The following COG2 variants were observed in gnomAD, a reference collection of about 807,000 sequenced individuals.
COG2 encodes the protein conserved oligomeric Golgi complex subunit 2.
COG2 carries 52 observed loss-of-function variants against 90.6 expected under a neutral mutation model. That is an observed-to-expected ratio of 0.57 (90% CI 0.46 to 0.72). The LOEUF is 0.72. Ranked by LOEUF, COG2 falls within the 30% of genes least tolerant of loss-of-function variation. The pLI is 0.00. For synonymous variants in COG2, 337 were observed against 320.4 expected, an observed-to-expected ratio of 1.05 and a Z score of -0.55; for missense variants, 829 against 891.2, an observed-to-expected ratio of 0.93 and a Z score of 0.89.
chr1:230,646,623 G>A (rs1184617687), intron 1 of COG2, among the ~76,000 whole-genome samples: 1 of 151,964 alleles, frequency 6.6e-6, no homozygotes, highest in South Asian at 2.1e-4. Flanking sequence ...TGTGCACAGC[G>A]CCTTGACATC....
At chr1:230,646,622 C>T (rs987403275) in intron 1 of COG2, among the ~76,000 whole-genome samples, 1 of 152,136 alleles carries the variant, frequency 6.6e-6, no homozygotes, top group African/African-American at 2.4e-5. Flanking sequence ...ATGTGCACAG[C>T]GCCTTGACAT....
chr1:230,652,525 G>C lies in COG2; in HGVS notation c.73-6939G>C, dbSNP rs576674565. Among the ~76,000 whole-genome samples, 56 of 152,168 alleles carry C rather than the reference G, an allele frequency of 3.7e-4. 1 individual carries two copies. The highest frequency in any genetic ancestry group is 1.3e-4 in the Non-Finnish European group (9 of 68,036). On this transcript the variant is annotated intron_variant, in intron 1 of 17. Transcript: ENST00000366669. ...AGGCTGCTATAAACATTCACGTGCA[G>C]GTTTTTGTATGGACATACATTTTCA... is the stretch of plus-strand genomic sequence containing the variant.
At chr1:230,657,155 C>T (rs1662078046) in intron 1 of COG2, among the ~76,000 whole-genome samples, 1 of 151,968 alleles carries the variant, frequency 6.6e-6, no homozygotes, top group South Asian at 2.1e-4. Flanking sequence ...GCAGTTTCTT[C>T]ATAGTGTCAA....
chr1:230,670,651 C>G (rs1662426205), intron 7 of COG2: 2 of 152,092 alleles, frequency 1.3e-5, no homozygotes, highest in Non-Finnish European at 2.9e-5. Context: ...GGGTCTCACT[C>G]TGTCACGCAG....
At position 230,685,250 on chromosome 1, in the gene COG2, G is replaced by C. The variant is rs1303130661; in HGVS notation, c.1380+14G>C. 6.2e-7 allele frequency: 1 copy of C among 1,613,646 alleles called. No individual in the cohort carries two copies. The highest frequency in any genetic ancestry group is 1.7e-5 in the Admixed American group (1 of 59,942). Reference sequence around the variant, plus strand: ...TTTGTCAATGAGGTAAGGGCTGGCTGTGGAGCTCATCCATAATCAATACTG... The same window carrying C: ...TTTGTCAATGAGGTAAGGGCTGGCTCTGGAGCTCATCCATAATCAATACTG... On this transcript the variant is annotated intron_variant, in intron 12 of 17. Transcript: ENST00000366669.
At chr1:230,668,542 G>GT (rs781099132) in intron 5 of COG2, 134 bp from the exon 6 acceptor site, 64 of 577,352 alleles carry the variant, frequency 1.1e-4, no homozygotes, top group Non-Finnish European at 1.8e-4. Flanking sequence ...TTGTAACAAG[G>GT]TGGCCACATA....
chr1:230,681,169 C>T (rs1174450894), intron 10 of COG2: 1 of 152,142 alleles, frequency 6.6e-6, no homozygotes, highest in Non-Finnish European at 1.5e-5. Flanking sequence ...GACTTAGTAT[C>T]TCATAGGAAG....
intron 3 of COG2, 114 bp downstream of exon 3, chr1:230,660,937 GT>G: frequency 1.7e-6 from 1 of 598,964 alleles, no homozygotes; most frequent in Non-Finnish European, 2.8e-6. Flanking sequence ...TTTTTTGAAT[GT>G]TTAGTAATTA....
Position 230,690,061 on chromosome 1 carries a change from C to T in COG2, c.1842C>T (p.Pro614=), listed in dbSNP as rs746745975. 1 of 1,612,928 alleles carries T rather than the reference C, an allele frequency of 6.2e-7. No individual in the cohort carries two copies. The highest frequency in any genetic ancestry group is 2.2e-5 in the East Asian group (1 of 44,840). ...CCTATGTGGACAGTGCTCTGAAGCCCTTATTCCAGCTTCAGAGCGGACACA... is the reference window on the plus strand; with the variant it reads ...CCTATGTGGACAGTGCTCTGAAGCCTTTATTCCAGCTTCAGAGCGGACACA... The part of the protein sequence containing the change: ...ASSYVDSALK[P]LFQLQSGHKD... The change falls in exon 16 of 18, where the codon CCC becomes CCT. Residue 614 remains proline (P), a synonymous_variant. Transcript: ENST00000366669.
At chr1:230,672,597 A>C (rs1013756841) in intron 8 of COG2, among the ~76,000 whole-genome samples, 1 of 152,026 alleles carries the variant, frequency 6.6e-6, no homozygotes, top group Admixed American at 6.6e-5. Context: ...TTGGGAGGCC[A>C]AGGCAGGTGA....
At chr1:230,672,522 T>A (rs1177386152) in intron 8 of COG2, among the ~76,000 whole-genome samples, 1 of 152,116 alleles carries the variant, frequency 6.6e-6, no homozygotes, top group African/African-American at 2.4e-5. Context: ...CCAGCTCAGA[T>A]ACCACCTCCT....
At chr1:230,691,773 G>C in intron 17 of COG2, 1 of 525,378 alleles carries the variant, frequency 1.9e-6, no homozygotes. Flanking sequence ...TTTGAAGTCT[G>C]GTGGCGTGCT....
intron 17 of COG2, among the ~76,000 whole-genome samples, chr1:230,692,345 A>G (rs1336289356): frequency 6.7e-6 from 1 of 149,996 alleles, no homozygotes; most frequent in Non-Finnish European, 1.5e-5. Context: ...CAATGTTAAT[A>G]GAAAAAGAAA....
chr1:230,663,050 G>T, intron 3 of COG2, 91 bp from the exon 4 acceptor site: 1 of 913,340 alleles, frequency 1.1e-6, no homozygotes, highest in Non-Finnish European at 1.7e-6. Flanking sequence ...TGGCCTGTAG[G>T]TGTTAAGTCC....
chr1:230,645,271 A>G (rs914896193), intron 1 of COG2, among the ~76,000 whole-genome samples: 2 of 150,482 alleles, frequency 1.3e-5, no homozygotes, highest in Non-Finnish European at 3.0e-5. Flanking sequence ...ATGTACAAAC[A>G]CTCTTAGAGA....
At chr1:230,692,977 C>G (rs1663073539) in intron 17 of COG2, among the ~76,000 whole-genome samples, 1 of 151,968 alleles carries the variant, frequency 6.6e-6, no homozygotes, top group Admixed American at 6.6e-5. Flanking sequence ...CTTAAAAGTT[C>G]ACTTTTTTAT....
chr1:230,648,632 G>A (rs1331210959), intron 1 of COG2, among the ~76,000 whole-genome samples: 1 of 152,176 alleles, frequency 6.6e-6, no homozygotes, highest in African/African-American at 2.4e-5. Context: ...ATTATAAAAT[G>A]TATTACTTGA....
At chr1:230,669,107 G>A (rs1034961306) in intron 6 of COG2, 10 of 451,618 alleles carry the variant, frequency 2.2e-5, no homozygotes, top group East Asian at 6.7e-5. Flanking sequence ...GATTGACTTC[G>A]TAGCTTAAGA....
At chr1:230,672,987 T>C (rs1416624059) in intron 8 of COG2, among the ~76,000 whole-genome samples, 2 of 152,340 alleles carry the variant, frequency 1.3e-5, no homozygotes, top group Non-Finnish European at 2.9e-5. Context: ...ATATGCTGCT[T>C]GGCCTTTGCA....
Sources: gnomAD v4.1 joint callset for allele counts (sites outside exome capture counted in the v4.1 genomes callset) on GRCh38, gnomAD v4.1.1 for gene constraint, MANE v1.5 for transcripts, NCBI Gene and HGNC (gene_info 2026-07-23, HGNC 2026-07-21) for gene names.